DAAM1: variants seen among roughly 807,000 people sequenced by gnomAD.
The protein encoded by DAAM1 is disheveled-associated activator of morphogenesis 1.
In DAAM1, 52 loss-of-function variants were observed where a neutral mutation model predicts 130.0. That is an observed-to-expected ratio of 0.40 (90% CI 0.32 to 0.50). The LOEUF is 0.50. DAAM1 is among the 20% of genes least tolerant of loss of function. DAAM1 has a pLI of 0.61. For synonymous variants in DAAM1, 452 were observed against 444.5 expected, an observed-to-expected ratio of 1.02 and a Z score of -0.21; for missense variants, 1,134 against 1,303.8, an observed-to-expected ratio of 0.87 and a Z score of 2.01.
intron 3 of DAAM1, among the ~76,000 whole-genome samples, chr14:59,299,056 C>A (rs1284751275): frequency 6.6e-6 from 1 of 152,164 alleles, no homozygotes; most frequent in African/African-American, 2.4e-5. Context: ...ACTTTTGGAG[C>A]CATCTGTTGG....
intron 1 of DAAM1, among the ~76,000 whole-genome samples, chr14:59,227,891 C>T (rs961741362): frequency 5.3e-5 from 8 of 152,136 alleles, no homozygotes; most frequent in East Asian, 1.9e-4. Context: ...CCCAGTGAGA[C>T]GCGGGGATTT....
chr14:59,367,703 T>C, intron 24 of DAAM1, 104 bp downstream of exon 24: 2 of 1,416,418 alleles, frequency 1.4e-6, no homozygotes, highest in Non-Finnish European at 1.9e-6. Flanking sequence ...GAAGGAAGGC[T>C]TCAATGTACT....
chr14:59,353,558 T>A (rs1230273705), intron 18 of DAAM1, among the ~76,000 whole-genome samples: 2 of 152,238 alleles, frequency 1.3e-5, no homozygotes, highest in Admixed American at 6.5e-5. Context: ...CCTGGGACTC[T>A]GAGGGAGGAG....
At chr14:59,272,475 C>G (rs902817538) in intron 2 of DAAM1, among the ~76,000 whole-genome samples, 4 of 152,074 alleles carry the variant, frequency 2.6e-5, no homozygotes, top group Non-Finnish European at 4.4e-5. Context: ...ACTTAGGAGG[C>G]TGAGGCACGA....
At chr14:59,353,451 T>G (rs887597204) in intron 18 of DAAM1, among the ~76,000 whole-genome samples, 1 of 152,190 alleles carries the variant, frequency 6.6e-6, no homozygotes, top group African/African-American at 2.4e-5. Context: ...TTAAGAAATT[T>G]GGAATTTGGG....
At chr14:59,206,797 G>A (rs1888275531) in intron 1 of DAAM1, among the ~76,000 whole-genome samples, 2 of 152,116 alleles carry the variant, frequency 1.3e-5, no homozygotes, top group African/African-American at 4.8e-5. Flanking sequence ...GCTACATTTA[G>A]CAAAAAATAC....
At chr14:59,273,295 A>C (rs1339357328) in intron 2 of DAAM1, among the ~76,000 whole-genome samples, 1 of 152,152 alleles carries the variant, frequency 6.6e-6, no homozygotes, top group Admixed American at 6.5e-5. Flanking sequence ...TTGGACTTCA[A>C]CTTCATATTA....
rs1885123794 is a variant in DAAM1, at chr14:59,324,184, C to T, written c.831C>T (p.Leu277=). ...GGCGGTATCGAGATGAAGTGAGTCT[C>T]AAGACTGCCATCATGTCCTTCATTA... ...STGRYRDEVS[L]KTAIMSFINA... The change falls in exon 7 of 25, where the codon CTC becomes CTT. Residue 277 remains leucine (L), a synonymous_variant. Transcript: ENST00000360909. 6.8e-7 allele frequency: 1 copy of T among 1,464,002 alleles called. No homozygotes were observed. Among genetic ancestry groups the T allele is most frequent in the Non-Finnish European group, 9.1e-7 (1 of 1,099,664 alleles). The allele number at this position is 1,464,002 out of a possible 1,614,324, so 90.7% of individuals were successfully genotyped here.
rs1887057737 is a variant in DAAM1 at position 59,369,424 on chromosome 14, T to C, written c.*565T>C. The C allele has an allele frequency of 6.5e-6, 1 of 152,688 alleles. No homozygotes were observed. Among genetic ancestry groups the C allele is most frequent in the African/African-American group, 2.4e-5 (1 of 41,454 alleles). 9.5% of individuals were successfully genotyped at this position (152,688 alleles called of 1,614,324 possible). A position where few individuals can be genotyped will look rare whatever the true frequency, so the allele number is the denominator to read the frequency against. Reference sequence around the variant, plus strand: ...TAGGACCAGCTTTGAATTTCTGACATTGGTGTGGGGATACAGTCTGTAAAT... The same window carrying C: ...TAGGACCAGCTTTGAATTTCTGACACTGGTGTGGGGATACAGTCTGTAAAT... On this transcript the variant is annotated 3_prime_UTR_variant, in exon 25 of 25. Transcript: ENST00000360909.
chr14:59,351,703 T>A (rs1886299983), intron 17 of DAAM1, among the ~76,000 whole-genome samples: 1 of 151,790 alleles, frequency 6.6e-6, no homozygotes, highest in Admixed American at 6.6e-5. Flanking sequence ...ATCGTCTAAT[T>A]CCAGCATCAA....
At chr14:59,203,254 C>T (rs1031831360) in intron 1 of DAAM1, among the ~76,000 whole-genome samples, 2 of 151,086 alleles carry the variant, frequency 1.3e-5, no homozygotes, top group Middle Eastern at 3.2e-3. Context: ...ATGATCTGCC[C>T]GCCTTGGCCT....
At chr14:59,322,612 C>G (rs1885056072) in intron 5 of DAAM1, among the ~76,000 whole-genome samples, 1 of 152,052 alleles carries the variant, frequency 6.6e-6, no homozygotes, top group East Asian at 1.9e-4. Flanking sequence ...TATTCTCTTG[C>G]TTCTAATTTT....
intron 1 of DAAM1, among the ~76,000 whole-genome samples, chr14:59,246,227 C>T (rs561428523): frequency 6.6e-6 from 1 of 152,254 alleles, no homozygotes; most frequent in African/African-American, 2.4e-5. Context: ...TTCCTGCTCC[C>T]CTGTCCCCTG....
intron 1 of DAAM1, among the ~76,000 whole-genome samples, chr14:59,227,115 T>A (rs1253654551): frequency 6.6e-6 from 1 of 152,238 alleles, no homozygotes; most frequent in Non-Finnish European, 1.5e-5. Context: ...AATGATTATA[T>A]GGTATACCTT....
chr14:59,304,188 G>C (rs1207708202), intron 3 of DAAM1, among the ~76,000 whole-genome samples: 1 of 152,130 alleles, frequency 6.6e-6, no homozygotes, highest in Non-Finnish European at 1.5e-5. Flanking sequence ...GATTATGAAA[G>C]ACATCAATAT....
At chr14:59,367,323 A>G in intron 23 of DAAM1, 106 bp from the exon 24 acceptor site, 1 of 1,468,572 alleles carries the variant, frequency 6.8e-7, no homozygotes, top group Non-Finnish European at 9.0e-7. Flanking sequence ...TGAGCAAACA[A>G]AACTTACGTT....
chr14:59,215,237 T>C (rs1185877283), intron 1 of DAAM1, among the ~76,000 whole-genome samples: 1 of 152,218 alleles, frequency 6.6e-6, no homozygotes, highest in African/African-American at 2.4e-5. Context: ...TTATTGTCCC[T>C]GGAGAGAAAA....
intron 1 of DAAM1, among the ~76,000 whole-genome samples, chr14:59,201,404 C>T (rs907219772): frequency 6.6e-6 from 1 of 151,986 alleles, no homozygotes; most frequent in African/African-American, 2.4e-5. Flanking sequence ...GGGTGGACCA[C>T]CTGAGGTCAG....
intron 1 of DAAM1, among the ~76,000 whole-genome samples, chr14:59,241,670 G>A (rs753869490): frequency 2.0e-5 from 3 of 152,180 alleles, no homozygotes; most frequent in Non-Finnish European, 2.9e-5. Context: ...GCAGAAGGAA[G>A]AGCTTCCCTG....
Sources: allele counts gnomAD v4.1 joint callset (sites outside exome capture counted in the v4.1 genomes callset), GRCh38; gene constraint gnomAD v4.1.1; transcripts MANE v1.5; gene names NCBI Gene and HGNC (gene_info 2026-07-23, HGNC 2026-07-21).